Variants in INSR observed in about 807,000 individuals in gnomAD.
INSR encodes IR.
A neutral mutation model predicts 142.6 loss-of-function variants in INSR; 67 were observed. The ratio of observed to expected loss-of-function variants is 0.47; its 90% CI spans 0.39 to 0.58. The LOEUF is 0.58. Among genes scored for constraint, INSR ranks in the 20% least tolerant of loss-of-function variants. INSR has a pLI of 0.00. For synonymous variants in INSR, 756 were observed against 743.1 expected, an observed-to-expected ratio of 1.02 and a Z score of -0.28; for missense variants, 1,248 against 1,833.2, an observed-to-expected ratio of 0.68 and a Z score of 5.83.
At chr19:7,292,473 G>GGGA (rs1387218527) in intron 1 of INSR, among the ~76,000 whole-genome samples, 39 of 148,720 alleles carry the variant, frequency 2.6e-4, no homozygotes, top group African/African-American at 9.0e-4. Flanking sequence ...GCGGGGCTGG[G>GGGA]GGGGGGTGGG....
At chr19:7,138,534 A>G (rs976493541) in intron 13 of INSR, among the ~76,000 whole-genome samples, 1 of 151,910 alleles carries the variant, frequency 6.6e-6, no homozygotes, top group African/African-American at 2.4e-5. Context: ...CACCACACCT[A>G]GCTAATTTTG....
rs1175242285 is a variant in INSR at position 7,150,610 on chromosome 19, C to A, written c.2232-78G>T. The A allele has an allele frequency of 5.7e-6, 8 of 1,408,994 alleles. No homozygotes were observed. The highest frequency in any genetic ancestry group is 8.0e-6 in the Non-Finnish European group (8 of 997,020). The allele number at this position is 1,408,994 out of a possible 1,614,324, so 87.3% of individuals were successfully genotyped here. On this transcript the variant is annotated intron_variant, in intron 10 of 21. Transcript: ENST00000302850. The surrounding 1 kb of genome is among the most constrained non-coding windows in gnomAD (Gnocchi z 4.2). ...ACCACTGGGCTCTGACACTTGGAGG[C>A]CACATGTGTCCGAGTAAGGGCACCC...
rs1450048017 is a variant in INSR at position 7,119,268 on chromosome 19, C to T, written c.3794+181G>A. Among the ~76,000 whole-genome samples, 3 of 152,144 alleles carry T rather than the reference C, an allele frequency of 2.0e-5. No individual in the cohort carries two copies. The highest frequency in any genetic ancestry group is 7.2e-5 in the African/African-American group (3 of 41,430). ...GAACTCAAGTGTGTGTACCACAATG[C>T]AATATGCAAATGCAAGCATGCATGT... On this transcript the variant is annotated intron_variant, in intron 21 of 21. Transcript: ENST00000302850. The surrounding 1 kb of genome is among the most constrained non-coding windows in gnomAD (Gnocchi z 5.2).
Position 7,225,906 on chromosome 19 carries a change from C to T in INSR, c.653-41269G>A, listed in dbSNP as rs926331034. ...AAGCCAGGGATGCTGCTAGCACCCT[C>T]AGTGCCCAGGACGGCCCCACCCCAG... On this transcript the variant is annotated intron_variant, in intron 2 of 21. Transcript: ENST00000302850. This position sits in a 1 kb window ranked among gnomAD's most constrained non-coding sequence, Gnocchi z 4.7. Among the ~76,000 whole-genome samples the T allele has an allele frequency of 1.3e-5, 2 of 152,296 alleles. No individual in the cohort carries two copies. The highest frequency in any genetic ancestry group is 2.9e-5 in the Non-Finnish European group (2 of 68,020).
chr19:7,278,113 T>A (rs930789898), intron 1 of INSR, among the ~76,000 whole-genome samples: 1 of 150,724 alleles, frequency 6.6e-6, no homozygotes, highest in Non-Finnish European at 1.5e-5. Flanking sequence ...AAAAAATAAA[T>A]TAAAAAATAA....
At chr19:7,238,683 C>T (rs1976240309) in intron 2 of INSR, among the ~76,000 whole-genome samples, 2 of 149,668 alleles carry the variant, frequency 1.3e-5, no homozygotes, top group Non-Finnish European at 3.0e-5. Flanking sequence ...CCATGAGTCT[C>T]ATCTCTCGTC....
chr19:7,216,183 G>T lies in INSR; in HGVS notation c.653-31546C>A, dbSNP rs1975427437. The stretch of plus-strand genomic sequence containing the variant: ...ACTAAAAGTACAAAAAATTAGCCAG[G>T]TGTGGTGGCGTGCACCTGTAATCCC... On this transcript the variant is annotated intron_variant, in intron 2 of 21. Coordinates refer to ENST00000302850, the MANE Select transcript of INSR (RefSeq NM_000208.4). The surrounding 1 kb of genome is among the most constrained non-coding windows in gnomAD (Gnocchi z 4.2). Among the ~76,000 whole-genome samples the T allele has an allele frequency of 6.6e-6, 1 of 152,034 alleles. No individual in the cohort carries two copies. Among genetic ancestry groups the T allele is most frequent in the Non-Finnish European group, 1.5e-5 (1 of 68,032 alleles).
intron 2 of INSR, among the ~76,000 whole-genome samples, chr19:7,212,400 G>A (rs948588616): frequency 7.2e-5 from 11 of 151,980 alleles, no homozygotes; most frequent in African/African-American, 2.4e-4. Flanking sequence ...TGCGATTCCC[G>A]CTCAGCTCCC....
At chr19:7,292,470 T>TGGGGGGGGGGGGGGGG (rs755617421) in intron 1 of INSR, among the ~76,000 whole-genome samples, 1 of 100,774 alleles carries the variant, frequency 9.9e-6, no homozygotes, top group Non-Finnish European at 2.1e-5. Context: ...GGGGCGGGGC[T>TGGGGGGGGGGGGGGGG]GGGGGGGGGT....
intron 15 of INSR, among the ~76,000 whole-genome samples, chr19:7,128,358 C>G (rs1972695612): frequency 6.6e-6 from 1 of 151,714 alleles, no homozygotes; most frequent in Non-Finnish European, 1.5e-5. Context: ...ATTACAGGCG[C>G]CCACCACCAT....
At position 7,151,055 on chromosome 19, in the gene INSR, CTTTCT is replaced by C. The variant is rs560044245; in HGVS notation, c.2232-528_2232-524del. ...TCCTTCTTTTTTTCATTTTCTTTCT[CTTTCT>C]TTTCTTTCTTTTCCTTTTTTCCTTC... On this transcript the variant is annotated intron_variant, in intron 10 of 21. Transcript: ENST00000302850. Among the ~76,000 whole-genome samples, 223 of 69,814 alleles carry C rather than the reference CTTTCT, an allele frequency of 3.2e-3. 1 individual carries two copies. Among genetic ancestry groups the C allele is most frequent in the African/African-American group, 6.9e-3 (212 of 30,618 alleles). 45.8% of individuals were successfully genotyped at this position (69,814 alleles called of 152,430 possible). A position where few individuals can be genotyped will look rare whatever the true frequency, so the allele number is the denominator to read the frequency against.
At chr19:7,189,733 C>T (rs537360330) in intron 2 of INSR, among the ~76,000 whole-genome samples, 8 of 151,616 alleles carry the variant, frequency 5.3e-5, no homozygotes, top group South Asian at 2.1e-4. Flanking sequence ...GTGCCATCTC[C>T]GCTCACTGTA....
intron 2 of INSR, among the ~76,000 whole-genome samples, chr19:7,248,445 C>G (rs1306231424): frequency 7.6e-6 from 1 of 130,876 alleles, no homozygotes; most frequent in Non-Finnish European, 1.6e-5. Flanking sequence ...GTGATTACAT[C>G]ACTGCACTCC....
At chr19:7,224,851 C>T (rs777864457) in intron 2 of INSR, among the ~76,000 whole-genome samples, 19 of 151,458 alleles carry the variant, frequency 1.3e-4, no homozygotes, top group Non-Finnish European at 2.1e-4. Flanking sequence ...GTCCCCCAAA[C>T]GCCCAATAAA....
Position 7,119,753 on chromosome 19 carries a change from T to A in INSR, c.3660-170A>T, listed in dbSNP as rs1972435458. 1.4e-5 allele frequency among the ~76,000 whole-genome samples: 2 copies of A among 140,152 alleles called. No homozygotes were observed. Among genetic ancestry groups the A allele is most frequent in the Admixed American group, 7.1e-5 (1 of 14,050 alleles). The allele number at this position is 140,152 out of a possible 152,430, so 91.9% of individuals were successfully genotyped here. ...ACACGCACATACACGTGCACACACATGCAAATACACACAAACACGCATGCG... is the reference window on the plus strand; with the variant it reads ...ACACGCACATACACGTGCACACACAAGCAAATACACACAAACACGCATGCG... On this transcript the variant is annotated intron_variant, in intron 20 of 21. Transcript: ENST00000302850. The surrounding 1 kb of genome is among the most constrained non-coding windows in gnomAD (Gnocchi z 5.2).
In INSR at chr19:7,219,648, G is replaced by A. The variant is rs138271638; in HGVS notation, c.653-35011C>T. Among the ~76,000 whole-genome samples the A allele has an allele frequency of 3.2e-4, 49 of 150,992 alleles. No individual in the cohort carries two copies. The East Asian group carries it at 9.4e-3, about 29-fold the overall frequency. On this transcript the variant is annotated intron_variant, in intron 2 of 21. Transcript: ENST00000302850. Reference sequence around the variant, plus strand: ...GGAGGGAAAGGAAAAGAAAGGAAAGGAAGGAGGGAAGGAGGGAAGGAAGGG... The same window carrying A: ...GGAGGGAAAGGAAAAGAAAGGAAAGAAAGGAGGGAAGGAGGGAAGGAAGGG...
intron 7 of INSR, among the ~76,000 whole-genome samples, chr19:7,167,530 C>G (rs1342858531): frequency 6.6e-6 from 1 of 150,492 alleles, no homozygotes; most frequent in African/African-American, 2.5e-5. Context: ...GAGCCAAGAT[C>G]TGCCACTGCA....
chr19:7,201,667 C>CTTTTTTTTT (rs570519539), intron 2 of INSR, among the ~76,000 whole-genome samples: 1 of 127,882 alleles, frequency 7.8e-6, no homozygotes, highest in Non-Finnish European at 1.6e-5. Flanking sequence ...TATTTTCATT[C>CTTTTTTTTT]TTTTTTTTTT....
At chr19:7,191,571 G>C (rs910554410) in intron 2 of INSR, among the ~76,000 whole-genome samples, 2 of 151,828 alleles carry the variant, frequency 1.3e-5, no homozygotes, top group East Asian at 3.9e-4. Context: ...TGCATGTAAT[G>C]GCACTTTGGG....
Sources: gnomAD v4.1 joint callset for allele counts (sites outside exome capture counted in the v4.1 genomes callset) on GRCh38, gnomAD v4.1.1 for gene constraint, Gnocchi (gnomAD v3.1) non-coding constraint, MANE v1.5 for transcripts, NCBI Gene and HGNC (gene_info 2026-07-23, HGNC 2026-07-21) for gene names.